AFDN: variants seen among roughly 807,000 people sequenced by gnomAD.
AFDN encodes the protein afadin.
In AFDN, 68 loss-of-function variants were observed where a neutral mutation model predicts 216.6. The ratio of observed to expected loss-of-function variants is 0.31; its 90% CI spans 0.26 to 0.38. The LOEUF (loss-of-function observed/expected upper bound fraction) is 0.38, where lower values mean the gene tolerates loss of function less well. AFDN is among the 10% of genes least tolerant of loss of function. The probability of loss-of-function intolerance (pLI) is 1.00; values close to 1 mark genes in which losing one functional copy is unlikely to be tolerated. For synonymous variants in AFDN, 868 were observed against 853.7 expected, an observed-to-expected ratio of 1.02 and a Z score of -0.29; for missense variants, 2,136 against 2,342.0, an observed-to-expected ratio of 0.91 and a Z score of 1.82.
intron 20 of AFDN, among the ~76,000 whole-genome samples, chr6:167,918,053 G>A (rs1321911347): frequency 6.6e-6 from 1 of 152,190 alleles, no homozygotes; most frequent in Non-Finnish European, 1.5e-5. Context: ...GAAGGAGAAG[G>A]AGGGGACAGT....
intron 23 of AFDN, among the ~76,000 whole-genome samples, chr6:167,935,788 T>A (rs1793924405): frequency 6.6e-6 from 1 of 152,186 alleles, no homozygotes; most frequent in Non-Finnish European, 1.5e-5. Context: ...TCTTTTTTTT[T>A]TCTTTTGGTT....
intron 15 of AFDN, chr6:167,911,776 GTAAA>G: frequency 2.5e-6 from 1 of 407,954 alleles, no homozygotes; most frequent in Non-Finnish European, 4.6e-6. Flanking sequence ...AATTTTTTCT[GTAAA>G]TAATTTGTTG....
chr6:167,913,476 C>T lies in AFDN; in HGVS notation c.2058+53C>T, dbSNP rs997888732. 29 of 1,493,932 alleles carry T rather than the reference C, an allele frequency of 1.9e-5. No homozygotes were observed. The Admixed American group carries it at 5.3e-4, about 27-fold the overall frequency. The allele number at this position is 1,493,932 out of a possible 1,614,324, so 92.5% of individuals were successfully genotyped here. A position where few individuals can be genotyped will look rare whatever the true frequency, so the allele number is the denominator to read the frequency against. On this transcript the variant is annotated intron_variant, in intron 16 of 33. Transcript: ENST00000683244. ...AGCTGTGTTGCTTAGCCAAGTTTCT[C>T]ATGCTGCTCCCATGTCAAATAAGTA...
In AFDN at chr6:167,864,534, A is replaced by G. The variant is rs369196631; in HGVS notation, c.106-17A>G. 24 of 1,602,130 alleles carry G rather than the reference A, an allele frequency of 1.5e-5. No individual in the cohort carries two copies. Among genetic ancestry groups the G allele is most frequent in the Non-Finnish European group, 1.8e-5 (21 of 1,172,736 alleles). On this transcript the variant is annotated splice_polypyrimidine_tract_variant and intron_variant, in intron 1 of 33. Transcript: ENST00000683244. Reference sequence around the variant, plus strand: ...GAATGTTGTTTTCCAAAAATGTACCATTTTGTTTTCTTTTAGGATTTGGAG... The same window carrying G: ...GAATGTTGTTTTCCAAAAATGTACCGTTTTGTTTTCTTTTAGGATTTGGAG...
chr6:167,878,911 ATTC>A (rs2128290483), intron 5 of AFDN, among the ~76,000 whole-genome samples: 1 of 152,250 alleles, frequency 6.6e-6, no homozygotes, highest in Admixed American at 6.5e-5. Flanking sequence ...TCAAATGTTT[ATTC>A]TTCAGAGAGT....
chr6:167,904,818 T>G (rs1349232165), intron 12 of AFDN, among the ~76,000 whole-genome samples: 1 of 152,134 alleles, frequency 6.6e-6, no homozygotes, highest in Admixed American at 6.5e-5. Context: ...CCTCTTCCAT[T>G]CTACCCAGCT....
intron 6 of AFDN, among the ~76,000 whole-genome samples, chr6:167,882,328 A>G (rs2340900): frequency 0.3 from 46,215 of 151,960 alleles, 8,090 homozygotes; most frequent in East Asian, 0.6. Context: ...AACAGACAAG[A>G]TATTTAGATT....
At chr6:167,870,529 T>TG in intron 3 of AFDN, 31 bp downstream of exon 3, 1 of 1,406,224 alleles carries the variant, frequency 7.1e-7, no homozygotes, top group African/African-American at 1.4e-5. Flanking sequence ...ATGACGGTCT[T>TG]GGTCCAGGGC....
intron 23 of AFDN, among the ~76,000 whole-genome samples, chr6:167,942,308 AC>A (rs914190753): frequency 5.3e-5 from 8 of 152,332 alleles, no homozygotes; most frequent in Non-Finnish European, 1.2e-4. Flanking sequence ...TTTTACTCTT[AC>A]CGTACAGTGC....
At chr6:167,828,970 A>G (rs1779529788) in intron 1 of AFDN, among the ~76,000 whole-genome samples, 1 of 152,110 alleles carries the variant, frequency 6.6e-6, no homozygotes, top group Non-Finnish European at 1.5e-5. Flanking sequence ...TCTTAGTGAT[A>G]TGACTAGTTT....
chr6:167,951,479 C>CCCGCCACCT lies in AFDN; in HGVS notation c.4128_4136dup (p.Pro1377_Pro1379dup). On this transcript the variant is annotated inframe_insertion, in exon 30 of 34. Coordinates refer to ENST00000683244, the MANE Select transcript of AFDN (RefSeq NM_001386888.1). The surrounding 1 kb of genome is among the most constrained non-coding windows in gnomAD (Gnocchi z 7.1). The stretch of plus-strand genomic sequence containing the variant: ...TCCGAACAGACCTGCCTCCGCCACC[C>CCCGCCACCT]CCGCCACCTCCAGTCCACTATGCCG... 6.2e-7 allele frequency: 1 copy of CCCGCCACCT among 1,613,920 alleles called. No individual in the cohort carries two copies.
At chr6:167,864,943 T>C (rs1784009415) in intron 2 of AFDN, 197 bp downstream of exon 2, 9 of 755,952 alleles carry the variant, frequency 1.2e-5, no homozygotes, top group East Asian at 2.5e-5. Context: ...CTGGCACATA[T>C]ATCTGTTGGA....
intron 1 of AFDN, among the ~76,000 whole-genome samples, chr6:167,841,909 C>T (rs1358854372): frequency 4.0e-5 from 6 of 151,820 alleles, no homozygotes; most frequent in Admixed American, 2.6e-4. Flanking sequence ...TCTTACTTCC[C>T]TTCCTCTCTG....
At chr6:167,938,554 T>C (rs1356362358) in intron 23 of AFDN, among the ~76,000 whole-genome samples, 8 of 152,234 alleles carry the variant, frequency 5.3e-5, no homozygotes, top group African/African-American at 1.9e-4. Flanking sequence ...ATATCAGTAG[T>C]ACATGATCAG....
chr6:167,950,390 C>CTGTGTGTG (rs1171520283), intron 29 of AFDN, among the ~76,000 whole-genome samples: 4 of 141,380 alleles, frequency 2.8e-5, no homozygotes, highest in Non-Finnish European at 6.3e-5. Context: ...ACTCATTTTT[C>CTGTGTGTG]TCTGTGTCTG....
At chr6:167,891,665 A>G (rs1336239144) in intron 8 of AFDN, among the ~76,000 whole-genome samples, 3 of 152,144 alleles carry the variant, frequency 2.0e-5, no homozygotes, top group Admixed American at 1.3e-4. Flanking sequence ...ATACGTGGGC[A>G]TTCTTAAGGA....
chr6:167,848,122 A>G (rs1781903866), intron 1 of AFDN, among the ~76,000 whole-genome samples: 1 of 152,130 alleles, frequency 6.6e-6, no homozygotes, highest in Non-Finnish European at 1.5e-5. Flanking sequence ...CTTTGGTGAA[A>G]CAGGAGCTCC....
chr6:167,965,640 A>G, intron 31 of AFDN, 117 bp from the exon 32 acceptor site: 2 of 931,320 alleles, frequency 2.1e-6, no homozygotes, highest in Non-Finnish European at 3.1e-6. Flanking sequence ...TAGTAATTGT[A>G]ACTATTAAAC....
At chr6:167,955,124 A>T (rs1417894024) in intron 30 of AFDN, among the ~76,000 whole-genome samples, 1 of 152,180 alleles carries the variant, frequency 6.6e-6, no homozygotes, top group Non-Finnish European at 1.5e-5. Flanking sequence ...ATGCTTGCGT[A>T]TGGTATCTTT....
Sources: allele counts gnomAD v4.1 joint callset (sites outside exome capture counted in the v4.1 genomes callset), GRCh38; gene constraint gnomAD v4.1.1; non-coding constraint Gnocchi (gnomAD v3.1); transcripts MANE v1.5; gene names NCBI Gene and HGNC (gene_info 2026-07-23, HGNC 2026-07-21).